The following DRC7 variants were observed in gnomAD, a reference collection of about 807,000 sequenced individuals.
DRC7 encodes the protein coiled-coil domain containing 135.
In DRC7, 80 loss-of-function variants were observed where a neutral mutation model predicts 104.4. That is an observed-to-expected ratio of 0.77 (90% CI 0.64 to 0.92). The LOEUF (loss-of-function observed/expected upper bound fraction) is 0.92, where lower values mean the gene tolerates loss of function less well. DRC7 is among the 40% of genes least tolerant of loss of function. The pLI, the probability that DRC7 is intolerant of heterozygous loss-of-function variation, is 0.00. For synonymous variants in DRC7, 405 were observed against 447.3 expected (o/e 0.91, Z 1.19); for missense variants, 1,034 against 1,141.1 (o/e 0.91, Z 1.35).
chr16:57,731,385 C>A lies in DRC7; in HGVS notation c.*127C>A. The A allele has an allele frequency of 1.5e-6, 1 of 670,862 alleles. No individual in the cohort carries two copies. Among genetic ancestry groups the A allele is most frequent in the Non-Finnish European group, 2.6e-6 (1 of 385,002 alleles). 41.6% of individuals were successfully genotyped at this position (670,862 alleles called of 1,614,324 possible). ...GACACCTGGCCTCACTGCCAGCCCA[C>A]CTCCCCTACAGCCCTGTTTGTTCCT... is the stretch of plus-strand genomic sequence containing the variant. On this transcript the variant is annotated 3_prime_UTR_variant, in exon 19 of 19. Transcript: ENST00000360716.
At chr16:57,696,264 C>T (rs2048591370) in intron 1 of DRC7, 200 bp from the exon 2 acceptor site, 1 of 152,318 alleles carries the variant, frequency 6.6e-6, no homozygotes, top group South Asian at 2.1e-4. Context: ...CACTCCAGGC[C>T]TCTGTGGCAC....
chr16:57,725,968 A>T, intron 13 of DRC7, 100 bp from the exon 14 acceptor site: 1 of 990,168 alleles, frequency 1.0e-6, no homozygotes, highest in Non-Finnish European at 1.5e-6. Flanking sequence ...CCCAGACTCC[A>T]GTGTCCTGAA....
chr16:57,720,085 T>A (rs2048886799), intron 9 of DRC7, among the ~76,000 whole-genome samples: 1 of 152,214 alleles, frequency 6.6e-6, no homozygotes, highest in South Asian at 2.1e-4. Context: ...TGTATCTACT[T>A]AACCTGAAGT....
At chr16:57,716,321 G>A (rs919421017) in intron 8 of DRC7, among the ~76,000 whole-genome samples, 1 of 151,982 alleles carries the variant, frequency 6.6e-6, no homozygotes, top group Non-Finnish European at 1.5e-5. Flanking sequence ...TGGCCAACAT[G>A]GTGAAACCCT....
At chr16:57,731,126 G>C in intron 18 of DRC7, 39 bp from the exon 19 acceptor site, 1 of 1,613,692 alleles carries the variant, frequency 6.2e-7, no homozygotes. Context: ...CACCAGCTTT[G>C]TAACCCCTCA....
At chr16:57,728,160 G>C (rs2048993619) in intron 16 of DRC7, among the ~76,000 whole-genome samples, 2 of 152,242 alleles carry the variant, frequency 1.3e-5, no homozygotes, top group African/African-American at 4.8e-5. Context: ...GGAAACCAAA[G>C]CTCAGGTAGT....
At chr16:57,695,028 G>A (rs1246133478) in intron 1 of DRC7, among the ~76,000 whole-genome samples, 176 bp downstream of exon 1, 2 of 152,052 alleles carry the variant, frequency 1.3e-5, no homozygotes, top group Non-Finnish European at 2.9e-5. Flanking sequence ...GGTGGAGAGG[G>A]GGTGCAGGGA....
chr16:57,706,300 C>T (rs1458209324), intron 7 of DRC7, among the ~76,000 whole-genome samples: 12 of 142,624 alleles, frequency 8.4e-5, no homozygotes, highest in South Asian at 2.4e-4. Context: ...ATCCATCCTC[C>T]CACCATCCTC....
intron 8 of DRC7, chr16:57,715,029 T>C: frequency 4.1e-6 from 1 of 243,552 alleles, no homozygotes; most frequent in Non-Finnish European, 8.2e-6. Context: ...TGTTGATTTC[T>C]ATATAGTTTT....
intron 8 of DRC7, among the ~76,000 whole-genome samples, chr16:57,717,707 A>C (rs1261672458): frequency 6.6e-6 from 1 of 151,794 alleles, no homozygotes; most frequent in East Asian, 1.9e-4. Flanking sequence ...TCAAAAAAAA[A>C]AAAGAAAAGA....
Position 57,726,178 on chromosome 16 carries a change from T to G in DRC7, c.1869T>G (p.Arg623=). The change falls in exon 14 of 19, where the codon CGT becomes CGG. Residue 623 remains arginine, a synonymous_variant. Transcript: ENST00000360716. ...GCATCCAGCTGCGCTACCACTGCCGTGAGGACCACATCACGGCCTCCAAGC... is the reference window on the plus strand; with the variant it reads ...GCATCCAGCTGCGCTACCACTGCCGGGAGGACCACATCACGGCCTCCAAGC... ...EERIQLRYHC[R]EDHITASKRE... is the part of the protein sequence containing the mutation. The G allele has an allele frequency of 6.2e-7, 1 of 1,613,188 alleles. No homozygotes were observed. Among genetic ancestry groups the G allele is most frequent in the Non-Finnish European group, 8.5e-7 (1 of 1,180,000 alleles).
chr16:57,702,121 G>A lies in DRC7; in HGVS notation c.690G>A (p.Lys230=), dbSNP rs1175694542. The A allele has an allele frequency of 6.2e-7, 1 of 1,614,068 alleles. No homozygotes were observed. The highest frequency in any genetic ancestry group is 8.5e-7 in the Non-Finnish European group (1 of 1,180,020). ...LTREVCPLTV[K]PKETIKKEEK... The stretch of plus-strand genomic sequence containing the variant: ...GGGAGGTGTGCCCACTCACTGTGAA[G>A]CCCAAGGAGGTATGGTCGGGCTTGA... The change falls in exon 6 of 19, where the codon AAG becomes AAA. Residue 230 remains lysine, a synonymous_variant. Coordinates refer to ENST00000360716, the MANE Select transcript of DRC7 (RefSeq NM_001289162.2).
At position 57,731,656 on chromosome 16, in the gene DRC7, G is replaced by A. The variant is rs574155007; in HGVS notation, c.*398G>A. ...AACTGGTTATATCTCAATGTGACTA[G>A]GGTGGCCCACCTCACCAAGTGGGAT... On this transcript the variant is annotated 3_prime_UTR_variant, in exon 19 of 19. Coordinates refer to ENST00000360716, the MANE Select transcript of DRC7 (RefSeq NM_001289162.2). 27 of 201,490 alleles carry A rather than the reference G, an allele frequency of 1.3e-4. No individual in the cohort carries two copies. Among genetic ancestry groups the A allele is most frequent in the Admixed American group, 9.9e-4 (18 of 18,128 alleles). 12.5% of individuals were successfully genotyped at this position (201,490 alleles called of 1,614,324 possible).
chr16:57,726,303 C>T lies in DRC7; in HGVS notation c.1974+20C>T. On this transcript the variant is annotated intron_variant, in intron 14 of 18. Transcript: ENST00000360716. ...TTCGAGGTGGGCCTGGGGGCCACGGCGGGCAGGGGTCGGCTGCAGGAGGAA... is the reference window on the plus strand; with the variant it reads ...TTCGAGGTGGGCCTGGGGGCCACGGTGGGCAGGGGTCGGCTGCAGGAGGAA... 1 of 1,598,244 alleles carries T rather than the reference C, an allele frequency of 6.3e-7. No individual in the cohort carries two copies.
intron 15 of DRC7, 148 bp downstream of exon 15, chr16:57,727,090 A>G: frequency 1.5e-6 from 1 of 654,886 alleles, no homozygotes; most frequent in Admixed American, 2.6e-5. Context: ...CCTCCCAGGT[A>G]ACTGGGACCA....
Position 57,727,386 on chromosome 16 carries a change from A to G in DRC7, c.2173A>G (p.Ser725Gly). ...SIYDTKRNEK[S>G]KEYREAMERM... The stretch of plus-strand genomic sequence containing the variant: ...CTATGACACCAAGCGGAATGAGAAG[A>G]GCAAGGAATATCGGGAGGCCATGGT... Residue 725 changes from serine (S) to glycine (G), a missense_variant, in exon 16 of 19, where the codon AGC (serine) becomes GGC (glycine). Coordinates refer to ENST00000360716, the MANE Select transcript of DRC7 (RefSeq NM_001289162.2). 1 of 1,613,282 alleles carries G rather than the reference A, an allele frequency of 6.2e-7. No individual in the cohort carries two copies. The highest frequency in any genetic ancestry group is 8.5e-7 in the Non-Finnish European group (1 of 1,179,736).
chr16:57,707,322 C>G, intron 7 of DRC7, 138 bp from the exon 8 acceptor site: 1 of 702,324 alleles, frequency 1.4e-6, no homozygotes, highest in East Asian at 2.7e-5. Context: ...GGAGATGGGC[C>G]GTCACACTCC....
rs528191373 is a variant in DRC7 at position 57,698,153 on chromosome 16, G to C, written c.203+1G>C. 8 of 1,613,974 alleles carry C rather than the reference G, an allele frequency of 5.0e-6. No individual in the cohort carries two copies. In the South Asian group the frequency reaches 6.6e-5, roughly 13 times the overall value. On this transcript the variant is annotated splice_donor_variant, in intron 3 of 18. Transcript: ENST00000360716. LOFTEE classifies it high-confidence loss of function. ...AGATCACTGTCTCAGCGGAGCTCCC[G>C]TGAGTGTGGCAGGGTGGGGGCCCTG...
chr16:57,721,784 C>T (rs1230573882), intron 10 of DRC7, 45 bp downstream of exon 10: 2 of 1,496,662 alleles, frequency 1.3e-6, no homozygotes, highest in Non-Finnish European at 1.9e-6. Context: ...AGATCCAGTT[C>T]CTGGGCCTCC....
Sources: gnomAD v4.1 joint callset for allele counts (sites outside exome capture counted in the v4.1 genomes callset) on GRCh38, gnomAD v4.1.1 for gene constraint, MANE v1.5 for transcripts, NCBI Gene and HGNC (gene_info 2026-07-23, HGNC 2026-07-21) for gene names.